CANT1: variants seen among roughly 807,000 people sequenced by gnomAD.
The protein encoded by CANT1 is calcium activated nucleotidase 1, also known as soluble calcium-activated nucleotidase 1.
In CANT1, 26 loss-of-function variants were observed where a neutral mutation model predicts 30.0. That is an observed-to-expected ratio of 0.87 (90% CI 0.64 to 1.20). CANT1 has a LOEUF of 1.20. Among genes scored for constraint, CANT1 ranks in the 50% most tolerant of loss-of-function variants. The pLI, the probability that CANT1 is intolerant of heterozygous loss-of-function variation, is 0.00. For missense variants in CANT1, 518 were observed against 563.0 expected (o/e 0.92, Z 0.81); for synonymous variants, 246 against 251.8 (o/e 0.98, Z 0.22).
chr17:79,001,810 G>A (rs2071273145), intron 1 of CANT1, among the ~76,000 whole-genome samples: 2 of 152,064 alleles, frequency 1.3e-5, no homozygotes, highest in Non-Finnish European at 2.9e-5. Context: ...CCTCTAAGGT[G>A]AAGACCCCCA....
intron 1 of CANT1, among the ~76,000 whole-genome samples, chr17:79,001,178 T>G (rs2071246284): frequency 6.6e-6 from 1 of 152,056 alleles, no homozygotes; most frequent in Non-Finnish European, 1.5e-5. Context: ...CATCGTGAGG[T>G]GTCGTCGTCA....
chr17:78,993,211 A>C lies in CANT1; in HGVS notation c.*339T>G. The C allele has an allele frequency of 4.8e-6, 2 of 420,666 alleles. No individual in the cohort carries two copies. Among genetic ancestry groups the C allele is most frequent in the Non-Finnish European group, 8.9e-6 (2 of 225,872 alleles). 26.1% of individuals were successfully genotyped at this position (420,666 alleles called of 1,614,324 possible). ...TGAGGCATAGGGCCTGACATATGGT[A>C]GGAGCTCTAGGGATATTCACTGAAC... On this transcript the variant is annotated 3_prime_UTR_variant, in exon 5 of 5. Transcript: ENST00000392446. The surrounding 1 kb of genome is among the most constrained non-coding windows in gnomAD (Gnocchi z 4.5).
chr17:78,999,642 ATTTTTTTTTTTT>A (rs35755919), intron 1 of CANT1, among the ~76,000 whole-genome samples: 15 of 97,346 alleles, frequency 1.5e-4, no homozygotes, highest in African/African-American at 2.4e-4. Flanking sequence ...CGCACAGCGA[ATTTTTTTTTTTT>A]TTTTTTTTTT....
rs769446526 is a variant in CANT1 at position 79,008,385 on chromosome 17, C to A, written c.-147+1279G>T. ...GGAGATAGCGGATCCTGAAGGGCTG[C>A]GGCACCCGCTTCCTTTTAGGAGCCT... On this transcript the variant is annotated intron_variant, in intron 1 of 4. Coordinates refer to ENST00000392446, the MANE Select transcript of CANT1 (RefSeq NM_001159773.2). The surrounding 1 kb of genome is among the most constrained non-coding windows in gnomAD (Gnocchi z 4.4). Among the ~76,000 whole-genome samples, 1 of 152,142 alleles carries A rather than the reference C, an allele frequency of 6.6e-6. No individual in the cohort carries two copies. The highest frequency in any genetic ancestry group is 1.5e-5 in the Non-Finnish European group (1 of 68,008).
At position 78,995,600 on chromosome 17, in the gene CANT1, C is replaced by T. The variant is rs1249498667; in HGVS notation, c.632-379G>A. Among the ~76,000 whole-genome samples, 3 of 152,256 alleles carry T rather than the reference C, an allele frequency of 2.0e-5. No individual in the cohort carries two copies. The highest frequency in any genetic ancestry group is 2.0e-4 in the Admixed American group (3 of 15,290). Reference sequence around the variant, plus strand: ...ACACCTGAGGTCTCACCGAGCATCACTCTAACTCCAGTGGCCGGAGAGGGG... The same window carrying T: ...ACACCTGAGGTCTCACCGAGCATCATTCTAACTCCAGTGGCCGGAGAGGGG... On this transcript the variant is annotated intron_variant, in intron 3 of 4. Coordinates refer to ENST00000392446, the MANE Select transcript of CANT1 (RefSeq NM_001159773.2). The surrounding 1 kb of genome is among the most constrained non-coding windows in gnomAD (Gnocchi z 5.7).
chr17:78,999,833 A>G (rs1035159475), intron 1 of CANT1, among the ~76,000 whole-genome samples: 6 of 151,876 alleles, frequency 4.0e-5, no homozygotes, highest in Admixed American at 1.3e-4. Context: ...TTGTATTTTT[A>G]GTAGAGATGC....
In CANT1 at chr17:79,002,295, C is replaced by A. The variant is rs2071291275; in HGVS notation, c.-146-4332G>T. ...GGCTCAGCCAAGGGACTTCCCTTGG[C>A]CTCAGTTTACTTCCCGGAGCCATGC... is the stretch of plus-strand genomic sequence containing the variant. On this transcript the variant is annotated intron_variant, in intron 1 of 4. Coordinates refer to ENST00000392446, the MANE Select transcript of CANT1 (RefSeq NM_001159773.2). The surrounding 1 kb of genome is among the most constrained non-coding windows in gnomAD (Gnocchi z 4.0). 6.6e-6 allele frequency among the ~76,000 whole-genome samples: 1 copy of A among 152,082 alleles called. No homozygotes were observed. The highest frequency in any genetic ancestry group is 6.5e-5 in the Admixed American group (1 of 15,276).
intron 1 of CANT1, among the ~76,000 whole-genome samples, chr17:79,005,765 C>T (rs994369497): frequency 9.9e-5 from 15 of 152,150 alleles, no homozygotes; most frequent in African/African-American, 3.6e-4. Flanking sequence ...AAAGAGCAAA[C>T]CCCACTGACC....
At chr17:78,999,642 AT>A (rs35755919) in intron 1 of CANT1, among the ~76,000 whole-genome samples, 5,797 of 97,214 alleles carry the variant, frequency 0.06, 110 homozygotes, top group East Asian at 0.24. Context: ...CGCACAGCGA[AT>A]TTTTTTTTTT....
chr17:79,002,238 A>G lies in CANT1; in HGVS notation c.-146-4275T>C, dbSNP rs2071288909. On this transcript the variant is annotated intron_variant, in intron 1 of 4. Transcript: ENST00000392446. This position sits in a 1 kb window ranked among gnomAD's most constrained non-coding sequence, Gnocchi z 4.0. The stretch of plus-strand genomic sequence containing the variant: ...CTTCCAATGTGGCCCAGGGAAGCCA[A>G]AAGATTGGACACCCCTGATATAGAC... 6.6e-6 allele frequency among the ~76,000 whole-genome samples: 1 copy of G among 152,130 alleles called. No individual in the cohort carries two copies. The highest frequency in any genetic ancestry group is 1.5e-5 in the Non-Finnish European group (1 of 68,020).
At chr17:78,994,636 TG>T (rs1213838696) in intron 4 of CANT1, among the ~76,000 whole-genome samples, 27 of 152,206 alleles carry the variant, frequency 1.8e-4, no homozygotes, top group Non-Finnish European at 2.8e-4. Context: ...CCTTGGAGGC[TG>T]GGTGTGGTGG....
intron 1 of CANT1, among the ~76,000 whole-genome samples, chr17:79,005,084 AGGGGAGTTAGGGAG>A: frequency 2.8e-5 from 1 of 35,902 alleles, no homozygotes; most frequent in Admixed American, 3.6e-4. Flanking sequence ...GGAGTTAGGG[AGGGGAGTTAGGGAG>A]AGGGGGGTTA....
Position 78,996,838 on chromosome 17 carries a change from G to A in CANT1, c.631+154C>T, listed in dbSNP as rs1040681749. 5 of 1,038,424 alleles carry A rather than the reference G, an allele frequency of 4.8e-6. No individual in the cohort carries two copies. Among genetic ancestry groups the A allele is most frequent in the Middle Eastern group, 2.9e-4 (1 of 3,428 alleles). The allele number at this position is 1,038,424 out of a possible 1,614,324, so 64.3% of individuals were successfully genotyped here. On this transcript the variant is annotated intron_variant, in intron 3 of 4. Coordinates refer to ENST00000392446, the MANE Select transcript of CANT1 (RefSeq NM_001159773.2). This position sits in a 1 kb window ranked among gnomAD's most constrained non-coding sequence, Gnocchi z 5.1. ...GCTATGCTCCTGGCTAAGGGTAAGG[G>A]GGCCGCAGGTCAGAGCAAGAGGGAG...
Position 78,993,555 on chromosome 17 carries a change from T to C in CANT1, c.1201A>G (p.Ile401Val). Residue 401 changes from isoleucine to valine, a missense_variant, in exon 5 of 5, where the codon ATT (isoleucine) becomes GTT (valine). Ile to Val is a conservative substitution (Grantham distance 29, BLOSUM62 3). Coordinates refer to ENST00000392446, the MANE Select transcript of CANT1 (RefSeq NM_001159773.2). This position sits in a 1 kb window ranked among gnomAD's most constrained non-coding sequence, Gnocchi z 4.5. ...CTCAGTGTTTCCGTTTTGAGTTAAA[T>C]GAACTCGATGCCTTCGTATTTCACG... ...GSVKYEGIEF[I>V] The C allele has an allele frequency of 2.5e-6, 4 of 1,614,248 alleles. No individual in the cohort carries two copies. The highest frequency in any genetic ancestry group is 2.5e-6 in the Non-Finnish European group (3 of 1,180,046).
At position 78,995,948 on chromosome 17, in the gene CANT1, T is replaced by C. The variant is rs1417457008; in HGVS notation, c.632-727A>G. Among the ~76,000 whole-genome samples the C allele has an allele frequency of 1.3e-5, 2 of 151,926 alleles. No homozygotes were observed. Among genetic ancestry groups the C allele is most frequent in the Non-Finnish European group, 2.9e-5 (2 of 67,964 alleles). ...CTGGTCTGCTTGTGCGATGAGACATTCTCCATGCCAGGGTCTTCCATCCCT... is the reference window on the plus strand; with the variant it reads ...CTGGTCTGCTTGTGCGATGAGACATCCTCCATGCCAGGGTCTTCCATCCCT... On this transcript the variant is annotated intron_variant, in intron 3 of 4. Transcript: ENST00000392446. The surrounding 1 kb of genome is among the most constrained non-coding windows in gnomAD (Gnocchi z 5.7).
rs1395972001 is a variant in CANT1 at position 79,002,956 on chromosome 17, C to G, written c.-146-4993G>C. 6.6e-6 allele frequency among the ~76,000 whole-genome samples: 1 copy of G among 152,228 alleles called. No homozygotes were observed. Among genetic ancestry groups the G allele is most frequent in the Non-Finnish European group, 1.5e-5 (1 of 68,038 alleles). On this transcript the variant is annotated intron_variant, in intron 1 of 4. Transcript: ENST00000392446. The surrounding 1 kb of genome is among the most constrained non-coding windows in gnomAD (Gnocchi z 4.0). ...GCACACGCTCCCCACCCGGGAGGCT[C>G]ATGTCCTCTGACCACATGGAACCAG... is the stretch of plus-strand genomic sequence containing the variant.
At chr17:79,006,283 A>C (rs969466905) in intron 1 of CANT1, 1 of 152,186 alleles carries the variant, frequency 6.6e-6, no homozygotes, top group Admixed American at 6.5e-5. Context: ...CACTTCCCCA[A>C]GGCTCTTGGC....
In CANT1 at chr17:78,996,749, C is replaced by T. The variant is rs574981528; in HGVS notation, c.631+243G>A. Among the ~76,000 whole-genome samples the T allele has an allele frequency of 6.6e-6, 1 of 152,312 alleles. No individual in the cohort carries two copies. The highest frequency in any genetic ancestry group is 2.1e-4 in the South Asian group (1 of 4,830). ...AACATCTTGGAGAGATTCCCCACGT[C>T]TCCCACAGGCCTCTAGCGATAAGCT... On this transcript the variant is annotated intron_variant, in intron 3 of 4. Transcript: ENST00000392446. This position sits in a 1 kb window ranked among gnomAD's most constrained non-coding sequence, Gnocchi z 5.1.
chr17:78,992,494 A>G lies in CANT1; in HGVS notation c.*1056T>C, dbSNP rs77565945. On this transcript the variant is annotated 3_prime_UTR_variant, in exon 5 of 5. Coordinates refer to ENST00000392446, the MANE Select transcript of CANT1 (RefSeq NM_001159773.2). ...CAGCCAACGCTCGTGAAGTTTCCACAGAGAAGAGCCTGCAAAACTCCCACT... is the reference window on the plus strand; with the variant it reads ...CAGCCAACGCTCGTGAAGTTTCCACGGAGAAGAGCCTGCAAAACTCCCACT... 797 of 373,490 alleles carry G rather than the reference A, an allele frequency of 2.1e-3. 10 individuals carry two copies. In the East Asian group the frequency reaches 0.029, roughly 14 times the overall value. The allele number at this position is 373,490 out of a possible 1,614,324, so 23.1% of individuals were successfully genotyped here.
Sources: allele counts gnomAD v4.1 joint callset (sites outside exome capture counted in the v4.1 genomes callset), GRCh38; gene constraint gnomAD v4.1.1; non-coding constraint Gnocchi (gnomAD v3.1); transcripts MANE v1.5; gene names NCBI Gene and HGNC (gene_info 2026-07-23, HGNC 2026-07-21).